Variants in NSMCE4A observed in about 807,000 individuals in gnomAD.
NSMCE4A encodes the protein non-structural maintenance of chromosomes element 4 homolog A.
A neutral mutation model predicts 47.9 loss-of-function variants in NSMCE4A; 40 were observed. That is an observed-to-expected ratio of 0.83 (90% CI 0.65 to 1.09). The LOEUF (loss-of-function observed/expected upper bound fraction) is 1.09. Ranked by LOEUF, NSMCE4A falls within the 50% of genes least tolerant of loss-of-function variation. NSMCE4A has a pLI of 0.00. For synonymous variants in NSMCE4A, 166 were observed against 178.5 expected, an observed-to-expected ratio of 0.93 and a Z score of 0.56; for missense variants, 500 against 507.0, an observed-to-expected ratio of 0.99 and a Z score of 0.13.
At chr10:121,957,455 CAG>C (rs1952418350) in intron 10 of NSMCE4A, among the ~76,000 whole-genome samples, 196 bp from the exon 11 acceptor site, 1 of 112,204 alleles carries the variant, frequency 8.9e-6, no homozygotes, top group Admixed American at 1.2e-4. Flanking sequence ...TTTTTTGAGA[CAG>C]AGTTTCGCTC....
In NSMCE4A at chr10:121,974,895, C is replaced by A; in HGVS notation, c.271G>T (p.Ala91Ser). 6.6e-7 allele frequency: 1 copy of A among 1,518,858 alleles called. No individual in the cohort carries two copies. 94.1% of individuals were successfully genotyped at this position (1,518,858 alleles called of 1,614,324 possible). A position where few individuals can be genotyped will look rare whatever the true frequency, so the allele number is the denominator to read the frequency against. Residue 91 changes from alanine (A) to serine (S), a missense_variant, in exon 1 of 11, where the codon GCG (alanine) becomes TCG (serine). Coordinates refer to ENST00000369023, the MANE Select transcript of NSMCE4A (RefSeq NM_017615.3). ...TTACGTTGGACGGAGTTGATGAGCGCCCGGTACTGATGGCGGATCTGGCGG... is the reference window on the plus strand; with the variant it reads ...TTACGTTGGACGGAGTTGATGAGCGACCGGTACTGATGGCGGATCTGGCGG... ...LCRQIRHQYR[A>S]LINSVQQNRE...
chr10:121,975,044 C>G lies in NSMCE4A; in HGVS notation c.122G>C (p.Gly41Ala). ...RSPLSPRSRR[G>A]SARERREAPE... ...GGCCTCTCTGCGCTCCCGCGCAGAG[C>G]CGCGGCGGGACCTGGGCGACAAAGG... The change falls in exon 1 of 11, where the codon GGC (glycine) becomes GCC (alanine). Residue 41 changes from glycine to alanine, a missense_variant. Gly to Ala is a moderately conservative substitution (Grantham distance 60). Coordinates refer to ENST00000369023, the MANE Select transcript of NSMCE4A (RefSeq NM_017615.3). 1.4e-6 allele frequency: 2 copies of G among 1,470,112 alleles called. No homozygotes were observed. Among genetic ancestry groups the G allele is most frequent in the South Asian group, 2.6e-5 (2 of 76,246 alleles). The allele number at this position is 1,470,112 out of a possible 1,614,324, so 91.1% of individuals were successfully genotyped here. A position where few individuals can be genotyped will look rare whatever the true frequency, so the allele number is the denominator to read the frequency against.
At chr10:121,971,653 T>C (rs1053605198) in intron 2 of NSMCE4A, among the ~76,000 whole-genome samples, 2 of 152,218 alleles carry the variant, frequency 1.3e-5, no homozygotes, top group Non-Finnish European at 2.9e-5. Context: ...ATAACTCCAG[T>C]TGAGCAAAAC....
Position 121,974,912 on chromosome 10 carries a change from A to G in NSMCE4A, c.254T>C (p.Ile85Thr). ...AEADQGLCRQ[I>T]RHQYRALINS... is the part of the protein sequence containing the mutation. ...GATGAGCGCCCGGTACTGATGGCGG[A>G]TCTGGCGGCACAGGCCTTGGTCGGC... is the stretch of plus-strand genomic sequence containing the variant. Residue 85 changes from isoleucine to threonine, a missense_variant, in exon 1 of 11, where the codon ATC becomes ACC. Transcript: ENST00000369023. The G allele has an allele frequency of 6.6e-7, 1 of 1,520,594 alleles. No individual in the cohort carries two copies. Among genetic ancestry groups the G allele is most frequent in the Non-Finnish European group, 8.8e-7 (1 of 1,135,900 alleles). 94.2% of individuals were successfully genotyped at this position (1,520,594 alleles called of 1,614,324 possible). A position where few individuals can be genotyped will look rare whatever the true frequency, so the allele number is the denominator to read the frequency against.
chr10:121,975,019 G>T lies in NSMCE4A; in HGVS notation c.147C>A (p.Ala49=). Residue 49 remains alanine (A), a synonymous_variant, in exon 1 of 11, where the codon GCC becomes GCA. Transcript: ENST00000369023. ...RRGSARERRE[A]PERPSLEDTE... ...TGTCCTCCAGGCTCGGGCGCTCTGGGGCCTCTCTGCGCTCCCGCGCAGAGC... is the reference window on the plus strand; with the variant it reads ...TGTCCTCCAGGCTCGGGCGCTCTGGTGCCTCTCTGCGCTCCCGCGCAGAGC... The T allele has an allele frequency of 6.7e-7, 1 of 1,501,082 alleles. No homozygotes were observed. Among genetic ancestry groups the T allele is most frequent in the Admixed American group, 2.2e-5 (1 of 45,032 alleles). 93.0% of individuals were successfully genotyped at this position (1,501,082 alleles called of 1,614,324 possible).
At chr10:121,972,734 T>C (rs2134788849) in intron 2 of NSMCE4A, among the ~76,000 whole-genome samples, 1 of 151,824 alleles carries the variant, frequency 6.6e-6, no homozygotes, top group South Asian at 2.1e-4. Flanking sequence ...CTTAAGAGGG[T>C]AGTAGAGGGA....
At chr10:121,971,324 C>T (rs1240863076) in intron 2 of NSMCE4A, among the ~76,000 whole-genome samples, 1 of 152,108 alleles carries the variant, frequency 6.6e-6, no homozygotes, top group African/African-American at 2.4e-5. Flanking sequence ...TCCTGGCTAA[C>T]ACGGTGAAAC....
At chr10:121,970,831 A>G (rs1180819932) in intron 3 of NSMCE4A, 108 bp downstream of exon 3, 1 of 1,031,236 alleles carries the variant, frequency 9.7e-7, no homozygotes, top group Admixed American at 3.1e-5. Flanking sequence ...ATCTGAGACC[A>G]AAAAAGAAGA....
In NSMCE4A at chr10:121,957,429, CTTTTTTTTT is replaced by C. The variant is rs34808169; in HGVS notation, c.*13-179_*13-171del. On this transcript the variant is annotated intron_variant, in intron 10 of 10. Transcript: ENST00000369023. ...CATATTTATTCCCTTCTTCTTTTTT[CTTTTTTTTT>C]TTTTTTTTTTTTGAGACAGAGTTTC... is the stretch of plus-strand genomic sequence containing the variant. 3.1e-3 allele frequency among the ~76,000 whole-genome samples: 303 copies of C among 98,364 alleles called. 1 individual carries two copies. The highest frequency in any genetic ancestry group is 0.01 in the African/African-American group (275 of 27,292). The allele number at this position is 98,364 out of a possible 152,430, so 64.5% of individuals were successfully genotyped here. A position where few individuals can be genotyped will look rare whatever the true frequency, so the allele number is the denominator to read the frequency against.
intron 10 of NSMCE4A, among the ~76,000 whole-genome samples, chr10:121,958,386 T>C (rs1331339974): frequency 1.3e-5 from 2 of 150,398 alleles, no homozygotes; most frequent in East Asian, 3.9e-4. Flanking sequence ...CAGATCATTA[T>C]TAAGATTTCT....
chr10:121,972,573 G>T (rs1400171936), intron 2 of NSMCE4A, among the ~76,000 whole-genome samples: 1 of 152,088 alleles, frequency 6.6e-6, no homozygotes, highest in Non-Finnish European at 1.5e-5. Context: ...CTAAAATATT[G>T]CTTTAAATAC....
intron 10 of NSMCE4A, 139 bp downstream of exon 10, chr10:121,959,185 A>G: frequency 1.4e-6 from 1 of 719,914 alleles, no homozygotes; most frequent in East Asian, 2.5e-5. Context: ...TCCCTTTCTC[A>G]CCTGTTACAC....
chr10:121,962,302 C>T (rs980457524), intron 6 of NSMCE4A, among the ~76,000 whole-genome samples: 7 of 151,408 alleles, frequency 4.6e-5, no homozygotes, highest in African/African-American at 1.7e-4. Context: ...GCCTGTAGTC[C>T]CAGCTACTTG....
chr10:121,960,278 T>G lies in NSMCE4A; in HGVS notation c.988+80A>C. ...AGTTAATCTACATTGAAAATTCATT[T>G]ACATTTAGTAAAATACTTAAATTCT... On this transcript the variant is annotated intron_variant, in intron 8 of 10. Transcript: ENST00000369023. The surrounding 1 kb of genome is among the most constrained non-coding windows in gnomAD (Gnocchi z 4.2). 3 of 919,826 alleles carry G rather than the reference T, an allele frequency of 3.3e-6. No homozygotes were observed. Among genetic ancestry groups the G allele is most frequent in the South Asian group, 2.4e-5 (1 of 40,858 alleles). The allele number at this position is 919,826 out of a possible 1,614,324, so 57.0% of individuals were successfully genotyped here.
At chr10:121,962,088 C>T (rs771562071) in intron 6 of NSMCE4A, 90 of 352,496 alleles carry the variant, frequency 2.6e-4, no homozygotes, top group Non-Finnish European at 4.0e-4. Flanking sequence ...CCAGTCTGGG[C>T]GAAAGAGTGA....
intron 2 of NSMCE4A, among the ~76,000 whole-genome samples, chr10:121,973,795 C>A (rs1165779349): frequency 2.0e-5 from 3 of 152,154 alleles, no homozygotes; most frequent in Non-Finnish European, 4.4e-5. Context: ...ACACAGACTG[C>A]GGAACCTACC....
intron 6 of NSMCE4A, chr10:121,962,108 CTAAA>C: frequency 4.2e-6 from 1 of 239,212 alleles, no homozygotes; most frequent in East Asian, 1.9e-4. Flanking sequence ...AGACTGTCTC[CTAAA>C]AAAAAAAAAA....
chr10:121,960,437 C>CA lies in NSMCE4A; in HGVS notation c.940-32dup, dbSNP rs1554943377. Reference sequence around the variant, plus strand: ...ACGAAAACATGATTTTAGGAGAAGACAAACATTTAAGACTCAAACCTATAC... The same window carrying CA: ...ACGAAAACATGATTTTAGGAGAAGACAAAACATTTAAGACTCAAACCTATAC... On this transcript the variant is annotated intron_variant, in intron 7 of 10. Transcript: ENST00000369023. This position sits in a 1 kb window ranked among gnomAD's most constrained non-coding sequence, Gnocchi z 4.2. 1 of 1,493,624 alleles carries CA rather than the reference C, an allele frequency of 6.7e-7. No homozygotes were observed. Among genetic ancestry groups the CA allele is most frequent in the Non-Finnish European group, 8.8e-7 (1 of 1,130,056 alleles). The allele number at this position is 1,493,624 out of a possible 1,614,324, so 92.5% of individuals were successfully genotyped here.
At chr10:121,968,074 A>C (rs927277228) in intron 3 of NSMCE4A, among the ~76,000 whole-genome samples, 4 of 152,220 alleles carry the variant, frequency 2.6e-5, no homozygotes, top group African/African-American at 7.2e-5. Context: ...AGTGGTTCTC[A>C]ACCTGGGTAT....
Sources: gnomAD v4.1 joint callset for allele counts (sites outside exome capture counted in the v4.1 genomes callset) on GRCh38, gnomAD v4.1.1 for gene constraint, Gnocchi (gnomAD v3.1) non-coding constraint, MANE v1.5 for transcripts, NCBI Gene and HGNC (gene_info 2026-07-23, HGNC 2026-07-21) for gene names.